DGKB: variants seen among roughly 807,000 people sequenced by gnomAD.
The protein encoded by DGKB is 90 kDa diacylglycerol kinase.
Under a neutral mutation model 114.3 loss-of-function variants are expected in DGKB, and 67 were observed. The ratio of observed to expected loss-of-function variants is 0.59; its 90% confidence interval spans 0.48 to 0.72. The LOEUF (loss-of-function observed/expected upper bound fraction) is 0.72. DGKB is among the 30% of genes least tolerant of loss of function. DGKB has a pLI of 0.00. For missense variants in DGKB, 907 were observed against 975.2 expected (o/e 0.93, Z 0.93); for synonymous variants, 398 against 323.1 (o/e 1.23, Z -2.49).
At chr7:14,486,679 C>A (rs938693316) in intron 20 of DGKB, among the ~76,000 whole-genome samples, 1 of 152,084 alleles carries the variant, frequency 6.6e-6, no homozygotes, top group Non-Finnish European at 1.5e-5. Context: ...CGAACAAGGG[C>A]AGAGAGAATA....
chr7:14,245,388 AT>A (rs1794322600), intron 23 of DGKB, among the ~76,000 whole-genome samples: 2 of 152,254 alleles, frequency 1.3e-5, no homozygotes, highest in Admixed American at 1.3e-4. Context: ...AATATACCCT[AT>A]TGGGAAAAGT....
intron 17 of DGKB, 78 bp from the exon 18 acceptor site, chr7:14,583,215 T>A: frequency 2.5e-6 from 2 of 804,132 alleles, no homozygotes; most frequent in Non-Finnish European, 3.9e-6. Context: ...ATTAACATTT[T>A]ACCCGATGAA....
At chr7:14,936,057 A>C (rs560492830) in intron 1 of DGKB, among the ~76,000 whole-genome samples, 1 of 152,268 alleles carries the variant, frequency 6.6e-6, no homozygotes, top group East Asian at 1.9e-4. Flanking sequence ...CAGAAAGAAG[A>C]AACTAAGATG....
At chr7:14,921,278 TTAATTA>T (rs1784498182) in intron 1 of DGKB, among the ~76,000 whole-genome samples, 1 of 152,150 alleles carries the variant, frequency 6.6e-6, no homozygotes, top group African/African-American at 2.4e-5. Flanking sequence ...TATTCGTTCA[TTAATTA>T]TAAGAGATGT....
intron 21 of DGKB, among the ~76,000 whole-genome samples, chr7:14,413,194 C>T (rs564384545): frequency 1.3e-5 from 2 of 151,976 alleles, no homozygotes; most frequent in Admixed American, 6.6e-5. Context: ...CACACAAGGA[C>T]ATGAGAATGA....
chr7:14,705,384 A>G (rs1461123834), intron 6 of DGKB, among the ~76,000 whole-genome samples: 1 of 150,232 alleles, frequency 6.7e-6, no homozygotes, highest in Non-Finnish European at 1.5e-5. Context: ...ACCAAGTTGG[A>G]AAACACTCTG....
At chr7:14,409,423 T>TGAATTGTTTGATATGTACCGTA (rs1583715982) in intron 21 of DGKB, among the ~76,000 whole-genome samples, 3 of 63,662 alleles carry the variant, frequency 4.7e-5, no homozygotes, top group East Asian at 3.7e-4. Context: ...AAGAAAAAGT[T>TGAATTGTTTGATATGTACCGTA]GAGGCCGGGC....
At chr7:14,959,395 G>A (rs1388935089) in intron 1 of DGKB, among the ~76,000 whole-genome samples, 1 of 149,418 alleles carries the variant, frequency 6.7e-6, no homozygotes, top group African/African-American at 2.5e-5. Flanking sequence ...TTTTTTAAAT[G>A]TGTGTTTTAT....
chr7:14,881,609 T>C (rs969230297), intron 1 of DGKB, among the ~76,000 whole-genome samples: 3 of 152,122 alleles, frequency 2.0e-5, no homozygotes, highest in Non-Finnish European at 2.9e-5. Flanking sequence ...CTAGGTATTA[T>C]GTGTGTAGAA....
At position 14,173,299 on chromosome 7, in the gene DGKB, C is replaced by T. The variant is rs1247435497; in HGVS notation, c.2304+3540G>A. Among the ~76,000 whole-genome samples, 6 of 152,054 alleles carry T rather than the reference C, an allele frequency of 3.9e-5. No homozygotes were observed. The East Asian group carries it at 9.6e-4, about 24-fold the overall frequency. Reference sequence around the variant, plus strand: ...TGGTGAAATTTATAAATGTATCTTACATTAATTTTTCTATTAGTGACTTTT... The same window carrying T: ...TGGTGAAATTTATAAATGTATCTTATATTAATTTTTCTATTAGTGACTTTT... On this transcript the variant is annotated intron_variant, in intron 25 of 25. Coordinates refer to ENST00000402815, the MANE Select transcript of DGKB (RefSeq NM_001350709.2).
At chr7:14,819,242 C>T (rs1844575292) in intron 2 of DGKB, among the ~76,000 whole-genome samples, 2 of 152,060 alleles carry the variant, frequency 1.3e-5, no homozygotes, top group South Asian at 4.1e-4. Flanking sequence ...TATATGTGTT[C>T]TTTCTGGATA....
chr7:14,492,041 A>G (rs1468706526), intron 20 of DGKB, among the ~76,000 whole-genome samples: 1 of 152,118 alleles, frequency 6.6e-6, no homozygotes, highest in Non-Finnish European at 1.5e-5. Flanking sequence ...CATTATCCTT[A>G]TAAATGATTA....
At chr7:14,450,449 A>C (rs1033874593) in intron 21 of DGKB, among the ~76,000 whole-genome samples, 1 of 152,140 alleles carries the variant, frequency 6.6e-6, no homozygotes, top group African/African-American at 2.4e-5. Context: ...AAGAAGGCAC[A>C]GTGGGAGATT....
chr7:14,657,034 A>C (rs950845767), intron 13 of DGKB, among the ~76,000 whole-genome samples: 1 of 151,780 alleles, frequency 6.6e-6, no homozygotes, highest in Non-Finnish European at 1.5e-5. Context: ...TAACCTCCCA[A>C]GGGTAAGATT....
chr7:14,670,971 C>T (rs111660347), intron 13 of DGKB, among the ~76,000 whole-genome samples: 74 of 152,196 alleles, frequency 4.9e-4, no homozygotes, highest in African/African-American at 1.8e-3. Flanking sequence ...TCTGGGATAG[C>T]ATATATGCTC....
chr7:14,242,046 G>T (rs1483667887), intron 23 of DGKB, among the ~76,000 whole-genome samples: 1 of 151,530 alleles, frequency 6.6e-6, no homozygotes, highest in Non-Finnish European at 1.5e-5. Flanking sequence ...ATATTGAAAG[G>T]TCAATATGGA....
intron 1 of DGKB, among the ~76,000 whole-genome samples, chr7:14,916,104 T>C (rs1167476401): frequency 1.5e-5 from 2 of 135,778 alleles, no homozygotes; most frequent in East Asian, 1.1e-3. Context: ...GCATGTACCA[T>C]CTTTGAAACA....
chr7:14,638,007 A>C (rs1811066953), intron 13 of DGKB, among the ~76,000 whole-genome samples: 1 of 152,266 alleles, frequency 6.6e-6, no homozygotes, highest in South Asian at 2.1e-4. Context: ...ATGATTATTT[A>C]TTATATTTTA....
intron 23 of DGKB, among the ~76,000 whole-genome samples, chr7:14,195,372 C>G (rs1232546817): frequency 6.6e-6 from 1 of 152,156 alleles, no homozygotes; most frequent in African/African-American, 2.4e-5. Context: ...TCTGGAGGGG[C>G]ATCCTGCACC....
Sources: allele counts gnomAD v4.1 joint callset (sites outside exome capture counted in the v4.1 genomes callset), GRCh38; gene constraint gnomAD v4.1.1; transcripts MANE v1.5; gene names NCBI Gene and HGNC (gene_info 2026-07-23, HGNC 2026-07-21).